Variants in LPIN1 observed in about 807,000 individuals in gnomAD.
LPIN1 encodes the protein phosphatidate phosphatase LPIN1.
A neutral mutation model predicts 107.5 loss-of-function variants in LPIN1; 71 were observed. The ratio of observed to expected loss-of-function variants is 0.66; its 90% CI spans 0.55 to 0.80. The LOEUF is 0.80. Ranked by LOEUF, LPIN1 falls within the 30% of genes least tolerant of loss-of-function variation. The pLI is 0.00. For missense variants in LPIN1, 1,043 were observed against 1,160.6 expected (o/e 0.90, Z 1.47); for synonymous variants, 445 against 452.6 (o/e 0.98, Z 0.21).
At chr2:11,795,249 C>A (rs999145140) in intron 13 of LPIN1, among the ~76,000 whole-genome samples, 159 bp from the exon 14 acceptor site, 1 of 152,186 alleles carries the variant, frequency 6.6e-6, no homozygotes, top group African/African-American at 2.4e-5. Flanking sequence ...CCGAAACAAA[C>A]ACAGCCAGAG....
chr2:11,776,910 T>C (rs1263781515), intron 6 of LPIN1, among the ~76,000 whole-genome samples: 2 of 152,218 alleles, frequency 1.3e-5, no homozygotes, highest in African/African-American at 4.8e-5. Flanking sequence ...TGATTAAAGA[T>C]CCAGACCTCA....
chr2:11,717,356 G>C (rs113845597), intron 2 of LPIN1, among the ~76,000 whole-genome samples: 1 of 151,930 alleles, frequency 6.6e-6, no homozygotes, highest in Non-Finnish European at 1.5e-5. Context: ...TCATATTTTA[G>C]TTTGTTCTAT....
rs1682374430 is a variant in LPIN1 at position 11,826,402 on chromosome 2, A to T, written c.*1611A>T. Reference sequence around the variant, plus strand: ...TAGAAACACGGATGTGCATGTGCAGATTCCCTTTTGCAGGTATTAAAAATA... The same window carrying T: ...TAGAAACACGGATGTGCATGTGCAGTTTCCCTTTTGCAGGTATTAAAAATA... On this transcript the variant is annotated 3_prime_UTR_variant, in exon 21 of 21. Coordinates refer to ENST00000674199, the MANE Select transcript of LPIN1 (RefSeq NM_001349206.2). 6.6e-6 allele frequency: 1 copy of T among 150,962 alleles called. No individual in the cohort carries two copies. The highest frequency in any genetic ancestry group is 6.7e-5 in the Admixed American group (1 of 14,948). 9.4% of individuals were successfully genotyped at this position (150,962 alleles called of 1,614,324 possible). A position where few individuals can be genotyped will look rare whatever the true frequency, so the allele number is the denominator to read the frequency against.
Position 11,782,327 on chromosome 2 carries a change from G to C in LPIN1, c.1084G>C (p.Val362Leu). Residue 362 changes from valine to leucine, a missense_variant, in exon 8 of 21, where the codon GTC becomes CTC. Val to Leu is a conservative substitution (Grantham distance 32). Coordinates refer to ENST00000674199, the MANE Select transcript of LPIN1 (RefSeq NM_001349206.2). ...DTFSDQSPTLVGGALLDQNKP... is the reference protein window; with the variant it reads ...DTFSDQSPTLLGGALLDQNKP... The stretch of plus-strand genomic sequence containing the variant: ...TTTTAGTGACCAATCGCCAACTCTG[G>C]TCGGTGGGGCACTTTTGGACCAGAA... 1 of 1,614,196 alleles carries C rather than the reference G, an allele frequency of 6.2e-7. No individual in the cohort carries two copies. The highest frequency in any genetic ancestry group is 8.5e-7 in the Non-Finnish European group (1 of 1,180,038).
In LPIN1 at chr2:11,825,712, G is replaced by T. The variant is rs1682284106; in HGVS notation, c.*921G>T. 1 of 152,474 alleles carries T rather than the reference G, an allele frequency of 6.6e-6. No homozygotes were observed. Among genetic ancestry groups the T allele is most frequent in the Non-Finnish European group, 1.5e-5 (1 of 68,048 alleles). The allele number at this position is 152,474 out of a possible 1,614,324, so 9.4% of individuals were successfully genotyped here. A position where few individuals can be genotyped will look rare whatever the true frequency, so the allele number is the denominator to read the frequency against. ...CCAAATGATAATGATACTGACTTCTGTTGGGAGCTCTCCAAAGAAACTGGT... is the reference window on the plus strand; with the variant it reads ...CCAAATGATAATGATACTGACTTCTTTTGGGAGCTCTCCAAAGAAACTGGT... On this transcript the variant is annotated 3_prime_UTR_variant, in exon 21 of 21. Coordinates refer to ENST00000674199, the MANE Select transcript of LPIN1 (RefSeq NM_001349206.2). The surrounding 1 kb of genome is among the most constrained non-coding windows in gnomAD (Gnocchi z 4.1).
chr2:11,689,142 C>G (rs771759579), intron 1 of LPIN1, among the ~76,000 whole-genome samples: 1 of 152,224 alleles, frequency 6.6e-6, no homozygotes, highest in Non-Finnish European at 1.5e-5. Flanking sequence ...CGAGTGCTCT[C>G]TCTCCATGCC....
chr2:11,790,479 A>G (rs1051107260), intron 12 of LPIN1, among the ~76,000 whole-genome samples: 2 of 152,242 alleles, frequency 1.3e-5, no homozygotes, highest in Non-Finnish European at 1.5e-5. Context: ...TTCTTGGCAA[A>G]GCAATGAAAT....
rs1018306262 is a variant in LPIN1, at chr2:11,725,198, C to T, written c.-72+659C>T. Reference sequence around the variant, plus strand: ...ATGGCGTGAACCCAGGAGGCAGAGCCTGCATTGAGCTGAGATTGTGCCACT... The same window carrying T: ...ATGGCGTGAACCCAGGAGGCAGAGCTTGCATTGAGCTGAGATTGTGCCACT... On this transcript the variant is annotated intron_variant, in intron 1 of 21. Transcript: ENST00000396097. Among the ~76,000 whole-genome samples the T allele has an allele frequency of 2.0e-4, 30 of 152,152 alleles. 1 individual carries two copies. Among genetic ancestry groups the T allele is most frequent in the Admixed American group, 1.4e-3 (22 of 15,278 alleles).
upstream of LPIN1, among the ~76,000 whole-genome samples, chr2:11,743,628 G>A (rs544890609): frequency 1.3e-4 from 20 of 152,244 alleles, no homozygotes; most frequent in Middle Eastern, 3.4e-3. The surrounding 1 kb of genome is among the most constrained non-coding windows in gnomAD (Gnocchi z 4.7). Context: ...TCCCTTCCCC[G>A]GAGCCCCAGG....
chr2:11,767,768 C>T lies in LPIN1; in HGVS notation c.198C>T (p.Asp66=). 1 of 1,603,466 alleles carries T rather than the reference C, an allele frequency of 6.2e-7. No individual in the cohort carries two copies. The highest frequency in any genetic ancestry group is 1.1e-5 in the South Asian group (1 of 90,860). ...TAACCATGTTTTCCCTTCAGGTTGA[C>T]ATAGAAATCAATGGGGAATCTGTGG... ...GVLRSREKVV[D]IEINGESVDL... is the part of the protein sequence containing the mutation. The change falls in exon 3 of 21, where the codon GAC becomes GAT. Residue 66 remains aspartate (D), a synonymous_variant. Coordinates refer to ENST00000674199, the MANE Select transcript of LPIN1 (RefSeq NM_001349206.2).
chr2:11,714,399 C>A (rs114580794), intron 2 of LPIN1, among the ~76,000 whole-genome samples: 2,285 of 152,290 alleles, frequency 0.015, 65 homozygotes, highest in African/African-American at 0.051. Flanking sequence ...TCCTAGACCC[C>A]ATGTTCCACA....
chr2:11,733,497 CTCT>C (rs1331522151), intron 1 of LPIN1, among the ~76,000 whole-genome samples: 1 of 147,480 alleles, frequency 6.8e-6, no homozygotes, highest in African/African-American at 2.7e-5. Context: ...CTCTCTCTCT[CTCT>C]TTTTTTTTTT....
Position 11,771,683 on chromosome 2 carries a change from A to G in LPIN1, c.596+4A>G, listed in dbSNP as rs1215521716. 11 of 1,582,846 alleles carry G rather than the reference A, an allele frequency of 6.9e-6. No homozygotes were observed. The highest frequency in any genetic ancestry group is 1.3e-5 in the African/African-American group (1 of 74,680). On this transcript the variant is annotated splice_donor_region_variant and intron_variant, in intron 4 of 20. Transcript: ENST00000674199. The surrounding 1 kb of genome is among the most constrained non-coding windows in gnomAD (Gnocchi z 4.8). ...TGGAGCTGCTGGAGAGCAGCAGGTA[A>G]TAACTGTCCAGGGTGGAGGGGCTGT... is the stretch of plus-strand genomic sequence containing the variant.
rs899633626 is a variant in LPIN1 at position 11,767,872 on chromosome 2, G to T, written c.288+14G>T. The T allele has an allele frequency of 6.6e-7, 1 of 1,523,338 alleles. No individual in the cohort carries two copies. The highest frequency in any genetic ancestry group is 9.1e-7 in the Non-Finnish European group (1 of 1,097,176). The allele number at this position is 1,523,338 out of a possible 1,614,324, so 94.4% of individuals were successfully genotyped here. Reference sequence around the variant, plus strand: ...GATAATGATCAGGTAAGGAAGCCTGGGTGGTCAGGGTTACTTCCTAGTTTT... The same window carrying T: ...GATAATGATCAGGTAAGGAAGCCTGTGTGGTCAGGGTTACTTCCTAGTTTT... On this transcript the variant is annotated intron_variant, in intron 3 of 20. Coordinates refer to ENST00000674199, the MANE Select transcript of LPIN1 (RefSeq NM_001349206.2).
At chr2:11,695,814 TTAGCATGAGTGACTCCA>T (rs1238820742) in intron 1 of LPIN1, among the ~76,000 whole-genome samples, 1 of 152,188 alleles carries the variant, frequency 6.6e-6, no homozygotes. Context: ...GAGTGGAACC[TTAGCATGAGTGACTCCA>T]TTTTGGGTTG....
At chr2:11,791,021 T>G (rs983289750) in intron 12 of LPIN1, among the ~76,000 whole-genome samples, 10 of 152,172 alleles carry the variant, frequency 6.6e-5, no homozygotes, top group African/African-American at 2.4e-4. Flanking sequence ...TATGAGTGGA[T>G]TTAGGGGAAA....
rs754995019 is a variant in LPIN1 at position 11,782,311 on chromosome 2, C to T, written c.1068C>T (p.Asp356=). 1.2e-6 allele frequency: 2 copies of T among 1,614,180 alleles called. No individual in the cohort carries two copies. Among genetic ancestry groups the T allele is most frequent in the Non-Finnish European group, 1.7e-6 (2 of 1,180,030 alleles). The change falls in exon 8 of 21, where the codon GAC becomes GAT. Residue 356 remains aspartate (D), a synonymous_variant. Transcript: ENST00000674199. ...GCGAATCTTCAGACACTTTTAGTGA[C>T]CAATCGCCAACTCTGGTCGGTGGGG... ...IHSESSDTFS[D]QSPTLVGGAL... is the part of the protein sequence containing the mutation.
In LPIN1 at chr2:11,824,885, C is replaced by T; in HGVS notation, c.*94C>T. The stretch of plus-strand genomic sequence containing the variant: ...CGGAGTGCACAGCTCCACCTGGGAG[C>T]CTGGCGCGTCATCATTGGCCTGACA... On this transcript the variant is annotated 3_prime_UTR_variant, in exon 21 of 21. Coordinates refer to ENST00000674199, the MANE Select transcript of LPIN1 (RefSeq NM_001349206.2). The T allele has an allele frequency of 1.4e-6, 2 of 1,401,516 alleles. No homozygotes were observed. Among genetic ancestry groups the T allele is most frequent in the Non-Finnish European group, 2.0e-6 (2 of 997,418 alleles). The allele number at this position is 1,401,516 out of a possible 1,614,324, so 86.8% of individuals were successfully genotyped here. A position where few individuals can be genotyped will look rare whatever the true frequency, so the allele number is the denominator to read the frequency against.
chr2:11,775,394 T>G (rs1336667025), intron 5 of LPIN1, among the ~76,000 whole-genome samples: 1 of 152,238 alleles, frequency 6.6e-6, no homozygotes, highest in African/African-American at 2.4e-5. Flanking sequence ...AAGAAACACT[T>G]TAAACACAAC....
Sources: gnomAD v4.1 joint callset for allele counts (sites outside exome capture counted in the v4.1 genomes callset) on GRCh38, gnomAD v4.1.1 for gene constraint, Gnocchi (gnomAD v3.1) non-coding constraint, MANE v1.5 for transcripts, NCBI Gene and HGNC (gene_info 2026-07-23, HGNC 2026-07-21) for gene names.